ERMARD: variants seen among roughly 807,000 people sequenced by gnomAD.
ERMARD encodes the protein ER membrane associated RNA degradation.
A neutral mutation model predicts 83.9 loss-of-function variants in ERMARD; 71 were observed. The ratio of observed to expected loss-of-function variants is 0.85; its 90% CI spans 0.70 to 1.03. ERMARD has a LOEUF of 1.03. ERMARD is among the 50% of genes least tolerant of loss of function. The pLI is 0.00. For missense variants in ERMARD, 838 were observed against 810.9 expected (o/e 1.03, Z -0.41); for synonymous variants, 284 against 298.6 (o/e 0.95, Z 0.50).
At chr6:169,780,464 T>C (rs1794077442) in intron 17 of ERMARD, among the ~76,000 whole-genome samples, 1 of 152,218 alleles carries the variant, frequency 6.6e-6, no homozygotes, top group Non-Finnish European at 1.5e-5. Context: ...CTGGCAAATG[T>C]GGAAAAAGTA....
chr6:169,758,595 A>G (rs1252174837), intron 5 of ERMARD, among the ~76,000 whole-genome samples: 1 of 152,188 alleles, frequency 6.6e-6, no homozygotes, highest in African/African-American at 2.4e-5. Flanking sequence ...TTTTATTTAG[A>G]TATTATGCAC....
intron 10 of ERMARD, chr6:169,767,202 T>C (rs779010401): frequency 6.6e-6 from 1 of 152,408 alleles, no homozygotes; most frequent in Non-Finnish European, 1.5e-5. Flanking sequence ...GGTCCGGACA[T>C]TCGGTTTTGC....
chr6:169,755,479 AC>A, intron 3 of ERMARD, 57 bp downstream of exon 3: 1 of 1,589,454 alleles, frequency 6.3e-7, no homozygotes. Flanking sequence ...TACTTAGAGG[AC>A]GTACTATTTG....
intron 17 of ERMARD, among the ~76,000 whole-genome samples, chr6:169,780,069 A>G (rs1244491445): frequency 1.3e-5 from 2 of 152,102 alleles, no homozygotes; most frequent in Admixed American, 1.3e-4. Flanking sequence ...ACGTGAAAAT[A>G]CAACTGGGGT....
At chr6:169,768,243 A>G in intron 11 of ERMARD, 72 bp downstream of exon 11, 1 of 1,400,786 alleles carries the variant, frequency 7.1e-7, no homozygotes, top group Non-Finnish European at 1.0e-6. Context: ...CTAAAATTAA[A>G]TTAATTTTGG....
chr6:169,769,586 G>A lies in ERMARD; in HGVS notation c.1106G>A (p.Arg369Lys). Residue 369 changes from arginine to lysine, a missense_variant, in exon 12 of 18, where the codon AGA becomes AAA. Transcript: ENST00000366773. ...AACCATCAGGAGGGTCCCCGCATAA[G>A]AGATCATTTAAGCCACGGGGAGATC... Reference protein sequence around the residue: ...FLNHQEGPRIRDHLSHGEINL... With the variant: ...FLNHQEGPRIKDHLSHGEINL... 6.2e-7 allele frequency: 1 copy of A among 1,612,562 alleles called. No homozygotes were observed. Among genetic ancestry groups the A allele is most frequent in the Non-Finnish European group, 8.5e-7 (1 of 1,179,434 alleles).
rs1220460080 is a variant in ERMARD at position 169,751,677 on chromosome 6, A to G, written c.6+14A>G. The stretch of plus-strand genomic sequence containing the variant: ...GAAGTTATGGAGGTAGGGCGGGTGT[A>G]GGGCCCGGTTCGATCCCGAGCTAGG... On this transcript the variant is annotated intron_variant, in intron 1 of 17. Coordinates refer to ENST00000366773, the MANE Select transcript of ERMARD (RefSeq NM_018341.3). 6.4e-7 allele frequency: 1 copy of G among 1,552,702 alleles called. No individual in the cohort carries two copies. Among genetic ancestry groups the G allele is most frequent in the Non-Finnish European group, 8.7e-7 (1 of 1,148,610 alleles).
In ERMARD at chr6:169,776,607, A is replaced by G; in HGVS notation, c.1673A>G (p.His558Arg). The G allele has an allele frequency of 6.2e-7, 1 of 1,614,250 alleles. No homozygotes were observed. Among genetic ancestry groups the G allele is most frequent in the African/African-American group, 1.3e-5 (1 of 75,070 alleles). ...SQVTVASELRHRQWVERTLRS... is the reference protein window; with the variant it reads ...SQVTVASELRRRQWVERTLRS... ...GTCACCGTTGCCTCAGAGCTGAGAC[A>G]CAGGCAGTGGGTGGAAAGGACGCTG... The change falls in exon 16 of 18, where the codon CAC becomes CGC. Residue 558 changes from histidine (H) to arginine (R), a missense_variant. Transcript: ENST00000366773.
intron 12 of ERMARD, 138 bp downstream of exon 12, chr6:169,769,851 T>G (rs1402623503): frequency 8.5e-6 from 6 of 701,880 alleles, no homozygotes; most frequent in Non-Finnish European, 1.3e-5. Context: ...GAAAAAAAAG[T>G]GAATGGATTA....
At chr6:169,757,862 T>G (rs1470001874) in intron 5 of ERMARD, among the ~76,000 whole-genome samples, 1 of 152,260 alleles carries the variant, frequency 6.6e-6, no homozygotes, top group Admixed American at 6.5e-5. Context: ...AAACCTCTTG[T>G]TACACTGAAT....
In ERMARD at chr6:169,754,022, C is replaced by T. The variant is rs1050824807; in HGVS notation, c.165C>T (p.Tyr55=). ...CWKTITDCVS[Y]TESEQGLDYW... ...AAACAATCACAGACTGTGTGAGCTA[C>T]ACAGAGTCAGGTTTGTGCTGTCTTT... is the stretch of plus-strand genomic sequence containing the variant. Residue 55 remains tyrosine, a synonymous_variant, in exon 2 of 18, where the codon TAC becomes TAT. Coordinates refer to ENST00000366773, the MANE Select transcript of ERMARD (RefSeq NM_018341.3). The T allele has an allele frequency of 1.2e-6, 2 of 1,610,706 alleles. No homozygotes were observed. The highest frequency in any genetic ancestry group is 1.3e-5 in the African/African-American group (1 of 74,824).
intron 9 of ERMARD, among the ~76,000 whole-genome samples, chr6:169,766,428 A>C (rs1260739032): frequency 6.6e-6 from 1 of 152,236 alleles, no homozygotes; most frequent in Non-Finnish European, 1.5e-5. Flanking sequence ...ATGCGGCTTC[A>C]TGGCCAGCTG....
chr6:169,760,068 T>C, intron 7 of ERMARD, 94 bp downstream of exon 7: 1 of 1,556,500 alleles, frequency 6.4e-7, no homozygotes, highest in Non-Finnish European at 8.7e-7. Flanking sequence ...TGAGGTGGGG[T>C]GAAGTAGTTG....
intron 9 of ERMARD, among the ~76,000 whole-genome samples, chr6:169,763,957 C>T (rs9397000): frequency 0.089 from 13,543 of 152,288 alleles, 1,769 homozygotes; most frequent in East Asian, 0.6. Flanking sequence ...TCCTCAGCAC[C>T]TCACATTTAT....
intron 9 of ERMARD, 65 bp downstream of exon 9, chr6:169,762,596 T>A (rs191636592): frequency 1.5e-6 from 2 of 1,343,890 alleles, no homozygotes; most frequent in East Asian, 2.3e-5. Context: ...TGTTACCAAT[T>A]AAAAGTTTTT....
upstream of ERMARD, chr6:169,751,547 C>T: frequency 1.9e-6 from 3 of 1,610,568 alleles, no homozygotes; most frequent in South Asian, 2.2e-5. Flanking sequence ...GGAAGTCTCC[C>T]ACCTGCGCCT....
Position 169,759,820 on chromosome 6 carries a change from C to T in ERMARD, c.606-18C>T, listed in dbSNP as rs559480241. 3.1e-6 allele frequency: 5 copies of T among 1,597,930 alleles called. No individual in the cohort carries two copies. The South Asian group carries it at 5.6e-5, about 18-fold the overall frequency. On this transcript the variant is annotated intron_variant, in intron 6 of 17. Transcript: ENST00000366773. ...GATTGAGTACATTTTTGTAACAGAT[C>T]TCTATGGTATTTCCTAGATACTGTT...
chr6:169,751,568 G>C, upstream of ERMARD: 6 of 1,608,718 alleles, frequency 3.7e-6, no homozygotes, highest in Non-Finnish European at 5.1e-6. Flanking sequence ...CGTACGGTAG[G>C]AAGTGCCCGC....
At chr6:169,779,661 T>C (rs1412307384) in intron 17 of ERMARD, among the ~76,000 whole-genome samples, 1 of 152,130 alleles carries the variant, frequency 6.6e-6, no homozygotes, top group Non-Finnish European at 1.5e-5. Context: ...CTGGCTAATT[T>C]TTAAATGTTT....
Sources: allele counts gnomAD v4.1 joint callset (sites outside exome capture counted in the v4.1 genomes callset), GRCh38; gene constraint gnomAD v4.1.1; transcripts MANE v1.5; gene names NCBI Gene and HGNC (gene_info 2026-07-23, HGNC 2026-07-21).